NCAM2: variants seen among roughly 807,000 people sequenced by gnomAD.
NCAM2 encodes the protein neural cell adhesion molecule 2.
A neutral mutation model predicts 98.1 loss-of-function variants in NCAM2; 30 were observed. The ratio of observed to expected loss-of-function variants is 0.31; its 90% CI spans 0.23 to 0.41. The LOEUF (loss-of-function observed/expected upper bound fraction) is 0.41, where lower values mean the gene tolerates loss of function less well. NCAM2 is among the 10% of genes least tolerant of loss of function. The pLI, the probability that NCAM2 is intolerant of heterozygous loss-of-function variation, is 1.00. For synonymous variants in NCAM2, 368 were observed against 342.4 expected (o/e 1.07, Z -0.83); for missense variants, 867 against 1,005.8 (o/e 0.86, Z 1.87).
chr21:21,123,946 A>T (rs563777727), intron 1 of NCAM2, among the ~76,000 whole-genome samples: 1 of 137,724 alleles, frequency 7.3e-6, no homozygotes, highest in South Asian at 2.4e-4. Flanking sequence ...TTCCGGATTC[A>T]AGACCATTCT....
intron 12 of NCAM2, among the ~76,000 whole-genome samples, chr21:21,462,980 T>C (rs1488729954): frequency 1.3e-5 from 2 of 152,072 alleles, no homozygotes; most frequent in African/African-American, 4.8e-5. Context: ...TTCTAGTAAA[T>C]TACAAGGCAA....
chr21:21,293,690 ACTCTTT>A (rs1470510000), intron 5 of NCAM2, among the ~76,000 whole-genome samples: 2 of 151,614 alleles, frequency 1.3e-5, no homozygotes, highest in African/African-American at 2.4e-5. Context: ...TCAATATGTA[ACTCTTT>A]CTCTTTATTG....
intron 1 of NCAM2, among the ~76,000 whole-genome samples, chr21:21,278,224 C>A (rs2147478424): frequency 6.6e-6 from 1 of 151,786 alleles, no homozygotes; most frequent in East Asian, 1.9e-4. Flanking sequence ...CATAAACATT[C>A]TCAAGTCTTC....
At chr21:21,371,170 G>T (rs137882916) in intron 8 of NCAM2, among the ~76,000 whole-genome samples, 1 of 151,806 alleles carries the variant, frequency 6.6e-6, no homozygotes, top group East Asian at 1.9e-4. Context: ...AACTTACAGG[G>T]AGGGAAAACA....
At chr21:21,006,498 G>A (rs1394543317) in intron 1 of NCAM2, among the ~76,000 whole-genome samples, 3 of 152,084 alleles carry the variant, frequency 2.0e-5, no homozygotes, top group Non-Finnish European at 2.9e-5. Flanking sequence ...GACAGAGTGA[G>A]ACCCCATCTC....
chr21:21,388,906 C>A (rs2076324774), intron 9 of NCAM2, among the ~76,000 whole-genome samples: 1 of 152,100 alleles, frequency 6.6e-6, no homozygotes, highest in African/African-American at 2.4e-5. Context: ...CTAACTATAT[C>A]TCACTAATTT....
At position 21,079,781 on chromosome 21, in the gene NCAM2, A is replaced by G. The variant is rs528951484; in HGVS notation, c.55+81163A>G. Among the ~76,000 whole-genome samples, 8 of 152,276 alleles carry G rather than the reference A, an allele frequency of 5.3e-5. No homozygotes were observed. The East Asian group carries it at 1.4e-3, about 26-fold the overall frequency. Reference sequence around the variant, plus strand: ...TTCCCATCTCTATGACATTAAGACTATCTAGCCAGCTTACTCTAAGAGTCT... The same window carrying G: ...TTCCCATCTCTATGACATTAAGACTGTCTAGCCAGCTTACTCTAAGAGTCT... On this transcript the variant is annotated intron_variant, in intron 1 of 17. Transcript: ENST00000400546.
intron 1 of NCAM2, among the ~76,000 whole-genome samples, chr21:21,021,369 T>C (rs2064431845): frequency 6.6e-6 from 1 of 152,170 alleles, no homozygotes; most frequent in African/African-American, 2.4e-5. Flanking sequence ...TGATGATGAC[T>C]TTTTTGGTTC....
chr21:21,356,987 C>CAATAAATAAATAAATA (rs56359248), intron 8 of NCAM2, among the ~76,000 whole-genome samples: 159 of 145,048 alleles, frequency 1.1e-3, no homozygotes, highest in Admixed American at 1.9e-3. Flanking sequence ...GAAACTCCAT[C>CAATAAATAAATAAATA]AATAAATAAA....
chr21:21,232,659 G>T (rs546690601), intron 1 of NCAM2, among the ~76,000 whole-genome samples: 1 of 151,546 alleles, frequency 6.6e-6, no homozygotes, highest in Non-Finnish European at 1.5e-5. Flanking sequence ...ATATGTAAAC[G>T]TATATTTCAT....
intron 8 of NCAM2, among the ~76,000 whole-genome samples, chr21:21,355,552 CG>C (rs1474471191): frequency 7.3e-6 from 1 of 137,550 alleles, no homozygotes; most frequent in Non-Finnish European, 1.6e-5. Flanking sequence ...GAGGGAGGGA[CG>C]GAGGAAAGAA....
At chr21:21,238,030 A>G (rs1302543314) in intron 1 of NCAM2, among the ~76,000 whole-genome samples, 1 of 131,552 alleles carries the variant, frequency 7.6e-6, no homozygotes, top group Non-Finnish European at 1.5e-5. Flanking sequence ...GTCTCGGTTC[A>G]CTGCAACCCC....
chr21:21,286,217 A>G, intron 3 of NCAM2, 52 bp from the exon 4 acceptor site: 3 of 1,463,864 alleles, frequency 2.0e-6, no homozygotes, highest in African/African-American at 1.8e-5. Flanking sequence ...GAAATAAGCA[A>G]TGATACTTTT....
chr21:21,327,179 G>A (rs888132554), intron 6 of NCAM2, among the ~76,000 whole-genome samples: 5 of 152,010 alleles, frequency 3.3e-5, no homozygotes, highest in African/African-American at 1.2e-4. Context: ...ATGGTGGTAC[G>A]CGCCTGTAGT....
At chr21:21,020,331 C>T (rs903026069) in intron 1 of NCAM2, among the ~76,000 whole-genome samples, 3 of 152,184 alleles carry the variant, frequency 2.0e-5, no homozygotes, top group East Asian at 1.9e-4. Flanking sequence ...CCACTGCACC[C>T]GGGTGACCAA....
intron 1 of NCAM2, among the ~76,000 whole-genome samples, chr21:21,280,152 T>C (rs747743283): frequency 7.4e-6 from 1 of 134,476 alleles, no homozygotes; most frequent in South Asian, 2.7e-4. Flanking sequence ...AGTAGGTGTC[T>C]ACATGTAGTT....
chr21:21,460,705 GTATT>G (rs2146189901), intron 12 of NCAM2, among the ~76,000 whole-genome samples: 1 of 151,994 alleles, frequency 6.6e-6, no homozygotes, highest in South Asian at 2.1e-4. Flanking sequence ...GCTGAGGACA[GTATT>G]TATGGTATGT....
intron 1 of NCAM2, among the ~76,000 whole-genome samples, chr21:21,253,884 A>G (rs1400185158): frequency 1.3e-5 from 2 of 152,198 alleles, no homozygotes; most frequent in African/African-American, 2.4e-5. Context: ...CTAGTGATTT[A>G]TATGCTCAGG....
intron 13 of NCAM2, among the ~76,000 whole-genome samples, chr21:21,467,014 GGATT>G (rs1172249175): frequency 4.0e-5 from 6 of 151,890 alleles, no homozygotes; most frequent in African/African-American, 9.7e-5. Flanking sequence ...CTGATTAATT[GGATT>G]GTAGTCTTCA....
Sources: gnomAD v4.1 joint callset for allele counts (sites outside exome capture counted in the v4.1 genomes callset) on GRCh38, gnomAD v4.1.1 for gene constraint, MANE v1.5 for transcripts, NCBI Gene and HGNC (gene_info 2026-07-23, HGNC 2026-07-21) for gene names.